MKLN1: variants seen among roughly 807,000 people sequenced by gnomAD.
The protein encoded by MKLN1 is muskelin 1, also known as muskelin.
MKLN1 carries 18 observed loss-of-function variants against 99.0 expected under a neutral mutation model. The ratio of observed to expected loss-of-function variants is 0.18; its 90% CI spans 0.13 to 0.27. The LOEUF is 0.27. Ranked by LOEUF, MKLN1 falls within the 10% of genes least tolerant of loss-of-function variation. The pLI is 1.00. For missense variants in MKLN1, 621 were observed against 875.9 expected (o/e 0.71, Z 3.67); for synonymous variants, 288 against 293.2 (o/e 0.98, Z 0.18).
chr7:131,126,903 C>G (rs891618440), intron 1 of MKLN1, among the ~76,000 whole-genome samples: 2 of 152,056 alleles, frequency 1.3e-5, no homozygotes, highest in Non-Finnish European at 2.9e-5. Context: ...TGGTGGCTTA[C>G]GCCTGTAATC....
At chr7:131,429,477 A>G (rs1030995468) in intron 9 of MKLN1, among the ~76,000 whole-genome samples, 1 of 152,014 alleles carries the variant, frequency 6.6e-6, no homozygotes, top group Non-Finnish European at 1.5e-5. Flanking sequence ...TCTTATTTTT[A>G]ACATTCATCT....
upstream of MKLN1, chr7:131,323,674 A>G (rs1798829516): frequency 6.6e-6 from 1 of 152,162 alleles, no homozygotes; most frequent in Non-Finnish European, 1.5e-5. Flanking sequence ...TTGATTTCTC[A>G]TAACTCAGGA....
intron 17 of MKLN1, among the ~76,000 whole-genome samples, chr7:131,486,233 TGAAAAA>T (rs778661180): frequency 1.4e-5 from 2 of 146,890 alleles, no homozygotes; most frequent in African/African-American, 2.5e-5. Context: ...AATAAAAAGT[TGAAAAA>T]GAAGCAATTT....
chr7:131,416,342 CA>C (rs939469509), intron 8 of MKLN1, among the ~76,000 whole-genome samples: 2 of 151,840 alleles, frequency 1.3e-5, no homozygotes, highest in African/African-American at 2.4e-5. Flanking sequence ...GTAAGAAAGA[CA>C]AAAAAATTTT....
At chr7:131,448,523 A>G (rs1796084797) in intron 12 of MKLN1, among the ~76,000 whole-genome samples, 1 of 152,240 alleles carries the variant, frequency 6.6e-6, no homozygotes, top group Admixed American at 6.5e-5. Flanking sequence ...CAAACTGTCC[A>G]GAGATAACTT....
chr7:131,328,046 A>G (rs1366581670), intron 1 of MKLN1, 49 bp downstream of exon 1: 1 of 1,592,964 alleles, frequency 6.3e-7, no homozygotes, highest in East Asian at 2.3e-5. Flanking sequence ...CCGCGTCAGC[A>G]CGGTTGGGCC....
chr7:131,458,240 A>G lies in MKLN1; in HGVS notation c.1526-4977A>G, dbSNP rs28521024. ...AACAACTTTGAATCAAGAAATTTAAATCTTCCTAACTTTGAGATGTGAGGG... is the reference window on the plus strand; with the variant it reads ...AACAACTTTGAATCAAGAAATTTAAGTCTTCCTAACTTTGAGATGTGAGGG... On this transcript the variant is annotated intron_variant, in intron 12 of 17. Coordinates refer to ENST00000352689, the MANE Select transcript of MKLN1 (RefSeq NM_013255.5). Among the ~76,000 whole-genome samples, 1,027 of 152,320 alleles carry G rather than the reference A, an allele frequency of 6.7e-3. 6 individuals carry two copies. The highest frequency in any genetic ancestry group is 0.023 in the African/African-American group (952 of 41,570).
intron 3 of MKLN1, among the ~76,000 whole-genome samples, chr7:131,275,563 A>ATTT (rs1349449145): frequency 5.5e-4 from 5 of 9,046 alleles, no homozygotes; most frequent in Non-Finnish European, 9.0e-4. Flanking sequence ...ATATATATAT[A>ATTT]TATATTTTTT....
chr7:131,126,113 G>A (rs1795454347), intron 1 of MKLN1, among the ~76,000 whole-genome samples: 1 of 151,792 alleles, frequency 6.6e-6, no homozygotes, highest in African/African-American at 2.4e-5. Flanking sequence ...TGGTTGTTCT[G>A]GAAGTGTTCA....
chr7:131,211,491 T>C (rs1796905378), intron 3 of MKLN1, among the ~76,000 whole-genome samples: 1 of 152,218 alleles, frequency 6.6e-6, no homozygotes, highest in Non-Finnish European at 1.5e-5. Context: ...CTAAGGTTAA[T>C]TGGCTTATCA....
chr7:131,331,016 C>T (rs533163028), intron 1 of MKLN1, among the ~76,000 whole-genome samples: 2 of 152,020 alleles, frequency 1.3e-5, no homozygotes, highest in African/African-American at 4.8e-5. Flanking sequence ...ATTACATATA[C>T]TCTTATACAT....
At chr7:131,302,075 A>G (rs1738724265) in intron 3 of MKLN1, among the ~76,000 whole-genome samples, 1 of 152,264 alleles carries the variant, frequency 6.6e-6, no homozygotes, top group Non-Finnish European at 1.5e-5. Context: ...ATTGTGCTAC[A>G]GGGATAGCGT....
intron 1 of MKLN1, among the ~76,000 whole-genome samples, chr7:131,351,907 G>T (rs1043467662): frequency 3.3e-5 from 5 of 152,044 alleles, no homozygotes; most frequent in Non-Finnish European, 7.4e-5. Flanking sequence ...ATCAAAATTG[G>T]ATTTCTCTCA....
intron 4 of MKLN1, among the ~76,000 whole-genome samples, chr7:131,389,668 T>C (rs971817667): frequency 6.6e-6 from 1 of 151,926 alleles, no homozygotes; most frequent in African/African-American, 2.4e-5. Flanking sequence ...ATTTAGAAGG[T>C]AGGGAAATTG....
rs1023081779 is a variant in MKLN1, at chr7:131,438,008, C to T, written c.1173+11C>T. On this transcript the variant is annotated intron_variant, in intron 10 of 17. Transcript: ENST00000352689. ...GTGTTTGATCATCAGGTTTGATGCACAGTTAAATATATGATGGAATTAATC... is the reference window on the plus strand; with the variant it reads ...GTGTTTGATCATCAGGTTTGATGCATAGTTAAATATATGATGGAATTAATC... 6.3e-7 allele frequency: 1 copy of T among 1,585,962 alleles called. No individual in the cohort carries two copies. The highest frequency in any genetic ancestry group is 2.2e-5 in the East Asian group (1 of 44,752).
At chr7:131,180,635 G>T (rs943274388) in intron 2 of MKLN1, among the ~76,000 whole-genome samples, 1 of 151,174 alleles carries the variant, frequency 6.6e-6, no homozygotes, top group African/African-American at 2.4e-5. Context: ...AGAGGTGGAG[G>T]TTGCAGTGAG....
intron 2 of MKLN1, among the ~76,000 whole-genome samples, chr7:131,384,971 C>T (rs1793965137): frequency 1.3e-5 from 2 of 152,154 alleles, no homozygotes; most frequent in African/African-American, 2.4e-5. Context: ...CAACTATCAC[C>T]TCCATCTAGT....
rs536692560 is a variant in MKLN1 at position 131,311,528 on chromosome 7, A to G, written c.-178-63896A>G. Among the ~76,000 whole-genome samples, 16 of 152,342 alleles carry G rather than the reference A, an allele frequency of 1.1e-4. No homozygotes were observed. In the East Asian group the frequency reaches 2.1e-3, roughly 20 times the overall value. On this transcript the variant is annotated intron_variant, in intron 3 of 7. Coordinates refer to the MKLN1 transcript ENST00000416992. Reference sequence around the variant, plus strand: ...TTGACAATGCTTTCCATATGATTTTAACATGCTAAATATGCCTAATATTCC... The same window carrying G: ...TTGACAATGCTTTCCATATGATTTTGACATGCTAAATATGCCTAATATTCC...
chr7:131,335,572 C>CT (rs1799226583), intron 1 of MKLN1, among the ~76,000 whole-genome samples: 2 of 152,006 alleles, frequency 1.3e-5, no homozygotes, highest in Non-Finnish European at 2.9e-5. Context: ...AGTCCTAAGA[C>CT]TATAGGGTTT....
Sources: allele counts gnomAD v4.1 joint callset (sites outside exome capture counted in the v4.1 genomes callset), GRCh38; gene constraint gnomAD v4.1.1; transcripts MANE v1.5; gene names NCBI Gene and HGNC (gene_info 2026-07-23, HGNC 2026-07-21).